The following TPX2 variants were observed in gnomAD, a reference collection of about 807,000 sequenced individuals.
TPX2 encodes the protein targeting protein for Xklp2.
In TPX2, 21 loss-of-function variants were observed where a neutral mutation model predicts 93.6. That is an observed-to-expected ratio of 0.22 (90% CI 0.16 to 0.32). The LOEUF (loss-of-function observed/expected upper bound fraction) is 0.32. TPX2 is among the 10% of genes least tolerant of loss of function. TPX2 has a pLI of 1.00. For missense variants in TPX2, 776 were observed against 871.1 expected (o/e 0.89, Z 1.37); for synonymous variants, 281 against 298.3 (o/e 0.94, Z 0.60).
At chr20:31,786,611 C>T (rs1468668767) in intron 12 of TPX2, among the ~76,000 whole-genome samples, 1 of 152,130 alleles carries the variant, frequency 6.6e-6, no homozygotes, top group Admixed American at 6.6e-5. Flanking sequence ...GCCATGTTGC[C>T]CAGGCTGGTC....
intron 6 of TPX2, 29 bp downstream of exon 6, chr20:31,770,500 G>T: frequency 6.5e-7 from 1 of 1,543,980 alleles, no homozygotes; most frequent in South Asian, 1.3e-5. Flanking sequence ...TTACTGCCAA[G>T]GGCAGACATA....
intron 7 of TPX2, among the ~76,000 whole-genome samples, chr20:31,773,475 A>T (rs2061977184): frequency 6.6e-6 from 1 of 151,938 alleles, no homozygotes; most frequent in African/African-American, 2.4e-5. Flanking sequence ...TATTTTTAGT[A>T]GAGATGGGGT....
intron 10 of TPX2, among the ~76,000 whole-genome samples, chr20:31,780,664 ACTGTT>A (rs2123052476): frequency 6.6e-6 from 1 of 152,310 alleles, no homozygotes; most frequent in South Asian, 2.1e-4. Flanking sequence ...TTGATCTACC[ACTGTT>A]ATGTGACAAG....
At chr20:31,759,665 T>A (rs2122987740) in intron 3 of TPX2, among the ~76,000 whole-genome samples, 1 of 152,236 alleles carries the variant, frequency 6.6e-6, no homozygotes, top group East Asian at 1.9e-4. Flanking sequence ...CCCAAAGTGC[T>A]GGGATTACAG....
chr20:31,759,721 A>G (rs1322610266), intron 3 of TPX2, among the ~76,000 whole-genome samples: 2 of 152,026 alleles, frequency 1.3e-5, no homozygotes, highest in African/African-American at 4.8e-5. Context: ...TTTAAGAGGA[A>G]CATGATATAT....
At position 31,771,551 on chromosome 20, in the gene TPX2, G is replaced by T; in HGVS notation, c.486-9G>T. 1 of 1,608,096 alleles carries T rather than the reference G, an allele frequency of 6.2e-7. No individual in the cohort carries two copies. Among genetic ancestry groups the T allele is most frequent in the South Asian group, 1.1e-5 (1 of 89,668 alleles). ...TTGAAAACATATTTTTTGTCCTTTT[G>T]AACTCAAGTTCTAACAACAAAAAGA... On this transcript the variant is annotated splice_polypyrimidine_tract_variant and intron_variant, in intron 6 of 17. Coordinates refer to ENST00000300403, the MANE Select transcript of TPX2 (RefSeq NM_012112.5).
At position 31,801,190 on chromosome 20, in the gene TPX2, CT is replaced by C. The variant is rs2062169785; in HGVS notation, c.*114del. On this transcript the variant is annotated 3_prime_UTR_variant, in exon 18 of 18. Coordinates refer to ENST00000300403, the MANE Select transcript of TPX2 (RefSeq NM_012112.5). Reference sequence around the variant, plus strand: ...CATGGAGAGAACCCATTTCTCCAGACTTTTACCTACCCGTGCCTGAGAAAGC... The same window carrying C: ...CATGGAGAGAACCCATTTCTCCAGACTTTACCTACCCGTGCCTGAGAAAGC... The C allele has an allele frequency of 1.0e-5, 9 of 901,970 alleles. 1 individual carries two copies. The South Asian group carries it at 1.1e-4, about 11-fold the overall frequency. The allele number at this position is 901,970 out of a possible 1,614,324, so 55.9% of individuals were successfully genotyped here. A position where few individuals can be genotyped will look rare whatever the true frequency, so the allele number is the denominator to read the frequency against.
intron 4 of TPX2, among the ~76,000 whole-genome samples, chr20:31,764,167 C>T (rs1326333540): frequency 3.3e-5 from 5 of 150,232 alleles, no homozygotes; most frequent in Non-Finnish European, 7.4e-5. Flanking sequence ...TGTACACATA[C>T]ATGTATATGT....
At chr20:31,789,000 A>G (rs2062084140) in intron 12 of TPX2, among the ~76,000 whole-genome samples, 1 of 151,598 alleles carries the variant, frequency 6.6e-6, no homozygotes, top group Admixed American at 6.6e-5. Context: ...AGAGGTATTC[A>G]CCTCCCCATT....
intron 2 of TPX2, among the ~76,000 whole-genome samples, chr20:31,755,858 A>G (rs778259512): frequency 1.4e-4 from 22 of 152,112 alleles, no homozygotes; most frequent in Admixed American, 7.2e-4. Context: ...ACTTTCAGCT[A>G]TTTTATTAAC....
At position 31,793,953 on chromosome 20, in the gene TPX2, T is replaced by A; in HGVS notation, c.1615T>A (p.Ser539Thr). The A allele has an allele frequency of 6.2e-7, 1 of 1,613,978 alleles. No homozygotes were observed. Among genetic ancestry groups the A allele is most frequent in the Non-Finnish European group, 8.5e-7 (1 of 1,179,960 alleles). Residue 539 changes from serine (S) to threonine (T), a missense_variant, in exon 14 of 18, where the codon TCG becomes ACG. Around this residue, in one of 3 missense-constraint regions of TPX2, gnomAD observed 461 missense variants for 551.2 expected, o/e 0.84. Coordinates refer to ENST00000300403, the MANE Select transcript of TPX2 (RefSeq NM_012112.5). ...AAGAACTGTGGAAATATGCCCTTTC[T>A]CGTTTGATTCTCGAGACAAAGAACG... The part of the protein sequence containing the change: ...EARTVEICPF[S>T]FDSRDKERQL...
At chr20:31,798,702 G>C in intron 17 of TPX2, 150 bp downstream of exon 17, 1 of 992,876 alleles carries the variant, frequency 1.0e-6, no homozygotes, top group Non-Finnish European at 1.4e-6. Context: ...ACTGAGGGTG[G>C]TGATGAAGTT....
intron 15 of TPX2, among the ~76,000 whole-genome samples, chr20:31,794,766 GTGTGTGTGTGTGTGTGTGTGTGTGTA>G (rs1441305836): frequency 1.3e-5 from 2 of 150,996 alleles, no homozygotes; most frequent in Non-Finnish European, 2.9e-5. Flanking sequence ...GTGTGTGTGT[GTGTGTGTGTGTGTGTGTGTGTGTGTA>G]TGTGTGTGTG....
At position 31,775,913 on chromosome 20, in the gene TPX2, A is replaced by G. The variant is rs1338128301; in HGVS notation, c.655A>G (p.Met219Val). 2 of 1,607,360 alleles carry G rather than the reference A, an allele frequency of 1.2e-6. No homozygotes were observed. The highest frequency in any genetic ancestry group is 1.1e-5 in the South Asian group (1 of 90,214). The change falls in exon 8 of 18, where the codon ATG becomes GTG. Residue 219 changes from methionine to valine, a missense_variant. This residue lies in a region of TPX2 where 279 missense variants were observed against 261.6 expected (regional missense o/e 1.07). Transcript: ENST00000300403. ...STEEQELEKS[M>V]KMQQEVVEMR... The stretch of plus-strand genomic sequence containing the variant: ...TGAGGAGCAAGAGCTGGAGAAGAGT[A>G]TGAAAATGCAGCAAGAGGTGGTGGA...
intron 2 of TPX2, among the ~76,000 whole-genome samples, chr20:31,749,036 C>G (rs556968465): frequency 1.5e-4 from 23 of 151,730 alleles, no homozygotes; most frequent in Non-Finnish European, 3.2e-4. Flanking sequence ...ACCTCCGCCT[C>G]CTGGGTTCAC....
chr20:31,765,523 C>G (rs1188854649), intron 4 of TPX2, among the ~76,000 whole-genome samples: 1 of 151,834 alleles, frequency 6.6e-6, no homozygotes, highest in Non-Finnish European at 1.5e-5. Context: ...GTTGCCCAAG[C>G]TGGTCTCAAA....
intron 9 of TPX2, among the ~76,000 whole-genome samples, chr20:31,777,839 C>A (rs1600381416): frequency 6.6e-6 from 1 of 151,104 alleles, no homozygotes; most frequent in South Asian, 2.1e-4. Flanking sequence ...TGCAATGGCA[C>A]GATTTCGGCT....
intron 2 of TPX2, among the ~76,000 whole-genome samples, chr20:31,742,980 T>C (rs2061762024): frequency 6.6e-6 from 1 of 152,100 alleles, no homozygotes; most frequent in African/African-American, 2.4e-5. Context: ...TTTGGGAGGC[T>C]GAGGCAGGCG....
intron 4 of TPX2, among the ~76,000 whole-genome samples, chr20:31,766,016 T>C (rs189592165): frequency 2.6e-4 from 39 of 152,328 alleles, no homozygotes; most frequent in African/African-American, 9.4e-4. Context: ...GGAAACTTTC[T>C]TAAATTAGTG....
Sources: gnomAD v4.1 joint callset for allele counts (sites outside exome capture counted in the v4.1 genomes callset) on GRCh38, gnomAD v4.1.1 for gene constraint, gnomAD v4.1.1 regional missense constraint, MANE v1.5 for transcripts, NCBI Gene and HGNC (gene_info 2026-07-23, HGNC 2026-07-21) for gene names.